The following NLRC4 variants were observed in gnomAD, a reference collection of about 807,000 sequenced individuals.
NLRC4 encodes the protein NLR family CARD domain-containing protein 4.
In NLRC4, 63 loss-of-function variants were observed where a neutral mutation model predicts 79.9. The observed-to-expected ratio is 0.79, with a 90% CI of 0.64 to 0.97. The LOEUF (loss-of-function observed/expected upper bound fraction) is 0.97, where lower values mean the gene tolerates loss of function less well. Among genes scored for constraint, NLRC4 ranks in the 50% least tolerant of loss-of-function variants. The probability of loss-of-function intolerance (pLI) is 0.00; values close to 1 mark genes in which losing one functional copy is unlikely to be tolerated. For synonymous variants in NLRC4, 461 were observed against 456.5 expected (o/e 1.01, Z -0.12); for missense variants, 1,074 against 1,215.2 (o/e 0.88, Z 1.73).
chr2:32,253,982 A>AG (rs1364233328), intron 2 of NLRC4, among the ~76,000 whole-genome samples: 3 of 151,394 alleles, frequency 2.0e-5, no homozygotes. Context: ...AAAAAAAAAA[A>AG]AAGTACGTGC....
At chr2:32,261,249 C>T (rs557285729) in intron 1 of NLRC4, among the ~76,000 whole-genome samples, 2 of 150,038 alleles carry the variant, frequency 1.3e-5, no homozygotes, top group East Asian at 3.9e-4. Flanking sequence ...CACTCAGGTT[C>T]CCCTCTCTCT....
Position 32,250,952 on chromosome 2 carries a change from G to C in NLRC4, c.912C>G (p.Ser304Arg), listed in dbSNP as rs368788664. The C allele has an allele frequency of 6.2e-7, 1 of 1,614,118 alleles. No homozygotes were observed. ...TAEVGDMTEDSAQALIREVLI... is the reference protein window; with the variant it reads ...TAEVGDMTEDRAQALIREVLI... Reference sequence around the variant, plus strand: ...GCACTTCTCGGATGAGAGCCTGGGCGCTGTCTTCTGTCATATCCCCCACCT... The same window carrying C: ...GCACTTCTCGGATGAGAGCCTGGGCCCTGTCTTCTGTCATATCCCCCACCT... Residue 304 changes from serine (S) to arginine (R), a missense_variant, in exon 4 of 9, where the codon AGC becomes AGG. Ser to Arg is a moderately radical substitution (Grantham distance 110, BLOSUM62 -1). Transcript: ENST00000402280. The surrounding 1 kb of genome is among the most constrained non-coding windows in gnomAD (Gnocchi z 4.9).
At chr2:32,252,861 A>T (rs1416926353) in intron 2 of NLRC4, among the ~76,000 whole-genome samples, 182 bp from the exon 3 acceptor site, 1 of 152,032 alleles carries the variant, frequency 6.6e-6, no homozygotes, top group East Asian at 2.0e-4. Context: ...TACTAAAAAT[A>T]CAAAAAATTA....
intron 7 of NLRC4, 91 bp from the exon 8 acceptor site, chr2:32,235,659 T>C: frequency 9.2e-7 from 1 of 1,085,932 alleles, no homozygotes; most frequent in African/African-American, 1.6e-5. Context: ...TCTTTATGTT[T>C]GGTGGCTCTG....
intron 2 of NLRC4, among the ~76,000 whole-genome samples, chr2:32,255,908 G>C (rs1397646669): frequency 6.6e-6 from 1 of 151,974 alleles, no homozygotes; most frequent in Admixed American, 6.6e-5. Context: ...CAGCTACTCA[G>C]GAGGCTGAGG....
chr2:32,259,335 T>G (rs1370494607), intron 1 of NLRC4, among the ~76,000 whole-genome samples: 1 of 144,314 alleles, frequency 6.9e-6, no homozygotes, highest in Non-Finnish European at 1.5e-5. Context: ...CTCAAACTCC[T>G]GGGCTAAAGT....
chr2:32,229,545 C>A (rs1432282137), intron 8 of NLRC4, among the ~76,000 whole-genome samples: 1 of 152,146 alleles, frequency 6.6e-6, no homozygotes, highest in Admixed American at 6.5e-5. Flanking sequence ...TCTCAGATTG[C>A]TGATGGGTAA....
At chr2:32,236,094 G>A (rs964088479) in intron 7 of NLRC4, among the ~76,000 whole-genome samples, 153 bp downstream of exon 7, 2 of 152,064 alleles carry the variant, frequency 1.3e-5, no homozygotes, top group African/African-American at 4.8e-5. Context: ...GTTCCTTAAG[G>A]GCAGTTTAAG....
At chr2:32,231,871 C>T (rs1686547273) in intron 8 of NLRC4, among the ~76,000 whole-genome samples, 2 of 152,080 alleles carry the variant, frequency 1.3e-5, no homozygotes, top group Non-Finnish European at 2.9e-5. Context: ...TAGTTTTGAC[C>T]AAATGTCTTT....
rs759224484 is a variant in NLRC4 at position 32,250,116 on chromosome 2, CT to C, written c.1747del (p.Ser583AlafsTer90). The C allele has an allele frequency of 2.5e-6, 4 of 1,614,022 alleles. No individual in the cohort carries two copies. Among genetic ancestry groups the C allele is most frequent in the Non-Finnish European group, 3.4e-6 (4 of 1,180,026 alleles). On this transcript the variant is annotated frameshift_variant, in exon 4 of 9. Transcript: ENST00000402280. LOFTEE classifies it high-confidence loss of function. This position sits in a 1 kb window ranked among gnomAD's most constrained non-coding sequence, Gnocchi z 4.9. ...QEFEAFFQGK[S>X]LYINSGNIPD... Reference sequence around the variant, plus strand: ...GATGTTCCCTGAGTTGATATATAAGCTTTTACCTTGAAAGAAAGCTTCAAAT... The same window carrying C: ...GATGTTCCCTGAGTTGATATATAAGCTTTACCTTGAAAGAAAGCTTCAAAT...
At chr2:32,261,316 C>CCCCTTTT in intron 1 of NLRC4, among the ~76,000 whole-genome samples, 13 of 96,876 alleles carry the variant, frequency 1.3e-4, no homozygotes, top group Non-Finnish European at 1.9e-4. Flanking sequence ...AGCCTCCCCC[C>CCCCTTTT]TTTTGTTTTT....
chr2:32,233,751 G>C (rs1686608732), intron 8 of NLRC4, among the ~76,000 whole-genome samples: 1 of 152,142 alleles, frequency 6.6e-6, no homozygotes, highest in Non-Finnish European at 1.5e-5. Context: ...GGAGAAGAAT[G>C]TGTATTCTGC....
At chr2:32,245,371 C>G (rs903726587) in intron 4 of NLRC4, among the ~76,000 whole-genome samples, 2 of 149,336 alleles carry the variant, frequency 1.3e-5, no homozygotes, top group African/African-American at 2.5e-5. Flanking sequence ...TGAAATAAGC[C>G]AGGCACAGAA....
At position 32,250,244 on chromosome 2, in the gene NLRC4, G is replaced by C; in HGVS notation, c.1620C>G (p.Thr540=). The C allele has an allele frequency of 1.2e-6, 2 of 1,614,140 alleles. No homozygotes were observed. Among genetic ancestry groups the C allele is most frequent in the South Asian group, 2.2e-5 (2 of 91,074 alleles). ...RQESLQSVKN[T]TEQEILKAIN... is the part of the protein sequence containing the mutation. ...TGGCTTTCAGAATTTCTTGCTCAGT[G>C]GTGTTTTTCACACTTTGCAAAGATT... Residue 540 remains threonine, a synonymous_variant, in exon 4 of 9, where the codon ACC becomes ACG. Transcript: ENST00000402280. The surrounding 1 kb of genome is among the most constrained non-coding windows in gnomAD (Gnocchi z 4.9).
At chr2:32,252,717 T>C (rs1394328878) in intron 2 of NLRC4, 38 bp from the exon 3 acceptor site, 2 of 1,582,610 alleles carry the variant, frequency 1.3e-6, no homozygotes, top group East Asian at 2.2e-5. Context: ...TTTATTTACT[T>C]ATATAAAATG....
At position 32,251,185 on chromosome 2, in the gene NLRC4, T is replaced by C. The variant is rs1183404038; in HGVS notation, c.679A>G (p.Ile227Val). The change falls in exon 4 of 9, where the codon ATC (isoleucine) becomes GTC (valine). Residue 227 changes from isoleucine (I) to valine (V), a missense_variant. By Grantham distance (29) the Ile-to-Val change is conservative. Coordinates refer to ENST00000402280, the MANE Select transcript of NLRC4 (RefSeq NM_001199138.2). ...CDQLLDIPGT[I>V]RKQTFMAMLL... ...ATGGCCATGAATGTCTGCTTCCTGA[T>C]TGTGCCAGGTATATCCAGGAGTTGA... 9 of 1,614,106 alleles carry C rather than the reference T, an allele frequency of 5.6e-6. No homozygotes were observed. Among genetic ancestry groups the C allele is most frequent in the Non-Finnish European group, 7.6e-6 (9 of 1,180,044 alleles).
At chr2:32,227,064 T>A (rs1686419806) in intron 8 of NLRC4, among the ~76,000 whole-genome samples, 1 of 152,154 alleles carries the variant, frequency 6.6e-6, no homozygotes. Flanking sequence ...GCAACTTCCA[T>A]GTCACTTTTC....
chr2:32,265,565 C>G (rs1371602104), upstream of NLRC4: 1 of 152,384 alleles, frequency 6.6e-6, no homozygotes, highest in Non-Finnish European at 1.5e-5. Context: ...CACATTGCTA[C>G]TGCATTCAAG....
At chr2:32,231,976 C>T (rs1174069480) in intron 8 of NLRC4, among the ~76,000 whole-genome samples, 1 of 152,122 alleles carries the variant, frequency 6.6e-6, no homozygotes, top group Non-Finnish European at 1.5e-5. Flanking sequence ...CTCACAATCA[C>T]CTTGTTTTTT....
Sources: allele counts gnomAD v4.1 joint callset (sites outside exome capture counted in the v4.1 genomes callset), GRCh38; gene constraint gnomAD v4.1.1; non-coding constraint Gnocchi (gnomAD v3.1); transcripts MANE v1.5; gene names NCBI Gene and HGNC (gene_info 2026-07-23, HGNC 2026-07-21).